The following SHANK2 variants were observed in gnomAD, a reference collection of about 807,000 sequenced individuals.
The protein encoded by SHANK2 is SH3 and multiple ankyrin repeat domains 2.
Under a neutral mutation model 133.7 loss-of-function variants are expected in SHANK2, and 43 were observed. The observed-to-expected ratio is 0.32, with a 90% CI of 0.25 to 0.41. The LOEUF (loss-of-function observed/expected upper bound fraction) is 0.41, where lower values mean the gene tolerates loss of function less well. Among genes scored for constraint, SHANK2 ranks in the 10% least tolerant of loss-of-function variants. The pLI, the probability that SHANK2 is intolerant of heterozygous loss-of-function variation, is 1.00. For missense variants in SHANK2, 1,994 were observed against 2,235.8 expected, an observed-to-expected ratio of 0.89 and a Z score of 2.18; for synonymous variants, 1,017 against 952.8, an observed-to-expected ratio of 1.07 and a Z score of -1.24.
chr11:71,183,521 A>G (rs1371387966), intron 2 of SHANK2, among the ~76,000 whole-genome samples: 2 of 152,230 alleles, frequency 1.3e-5, no homozygotes, highest in Non-Finnish European at 1.5e-5. Flanking sequence ...GCAGCCCTTC[A>G]TCTGGCTGTG....
intron 1 of SHANK2, among the ~76,000 whole-genome samples, chr11:71,235,989 C>A (rs1954821935): frequency 6.6e-6 from 1 of 152,348 alleles, no homozygotes; most frequent in South Asian, 2.1e-4. Context: ...GCCAGACCAG[C>A]AGGTGCTGGC....
chr11:70,532,001 G>A (rs1554973318), intron 17 of SHANK2, among the ~76,000 whole-genome samples: 1 of 152,212 alleles, frequency 6.6e-6, no homozygotes, highest in Non-Finnish European at 1.5e-5. Context: ...CTCTAGGACA[G>A]AGGCTGGGTA....
intron 11 of SHANK2, among the ~76,000 whole-genome samples, chr11:70,877,192 T>G (rs1555071506): frequency 1.3e-5 from 2 of 152,202 alleles, no homozygotes; most frequent in African/African-American, 4.8e-5. Context: ...TTGGAACGCA[T>G]CAACATGTAA....
At chr11:70,572,241 C>T (rs10899191) in intron 17 of SHANK2, among the ~76,000 whole-genome samples, 34,860 of 152,202 alleles carry the variant, frequency 0.23, 4,335 homozygotes, top group South Asian at 0.31. Context: ...CTCACTGCAA[C>T]GTCCACCTCC....
chr11:70,597,529 T>C (rs2060418031), intron 17 of SHANK2, among the ~76,000 whole-genome samples: 1 of 152,084 alleles, frequency 6.6e-6, no homozygotes, highest in Admixed American at 6.6e-5. Context: ...GAGATTTTTC[T>C]TTACCTGGCA....
At chr11:70,924,146 G>C (rs1950393094) in intron 10 of SHANK2, among the ~76,000 whole-genome samples, 2 of 152,114 alleles carry the variant, frequency 1.3e-5, no homozygotes, top group African/African-American at 4.8e-5. Flanking sequence ...ACAAGACTCA[G>C]CATCCCTCCT....
intron 2 of SHANK2, among the ~76,000 whole-genome samples, chr11:71,216,695 G>A (rs1954421117): frequency 6.6e-6 from 1 of 152,174 alleles, no homozygotes; most frequent in South Asian, 2.1e-4. Flanking sequence ...ATCACCAAGT[G>A]AGGTCACAGC....
intron 10 of SHANK2, among the ~76,000 whole-genome samples, chr11:70,933,957 C>T (rs1159840239): frequency 2.0e-5 from 3 of 149,252 alleles, no homozygotes; most frequent in Non-Finnish European, 3.0e-5. Flanking sequence ...AACAGCTGGG[C>T]GCAGTGGCTC....
At chr11:71,060,011 G>A (rs1950968559) in intron 9 of SHANK2, among the ~76,000 whole-genome samples, 1 of 152,178 alleles carries the variant, frequency 6.6e-6, no homozygotes, top group Admixed American at 6.5e-5. Context: ...TGCCCTACAG[G>A]AAGGTCAGGT....
chr11:71,122,176 A>T (rs1421713021), intron 3 of SHANK2, among the ~76,000 whole-genome samples: 5 of 152,196 alleles, frequency 3.3e-5, no homozygotes, highest in Admixed American at 1.3e-4. Context: ...AAATCATGCC[A>T]CCATAAAGAC....
At chr11:70,516,174 C>T (rs1380181866) in intron 17 of SHANK2, among the ~76,000 whole-genome samples, 1 of 152,158 alleles carries the variant, frequency 6.6e-6, no homozygotes, top group South Asian at 2.1e-4. Flanking sequence ...ATAGCCAACA[C>T]AATATCGAAG....
intron 10 of SHANK2, chr11:70,952,917 A>C: frequency 4.4e-6 from 1 of 224,856 alleles, no homozygotes; most frequent in Non-Finnish European, 1.0e-5. Context: ...CACTAAGCTG[A>C]CCCCGAGGTG....
intron 17 of SHANK2, among the ~76,000 whole-genome samples, chr11:70,588,151 C>T (rs1025191683): frequency 6.6e-6 from 1 of 152,144 alleles, no homozygotes; most frequent in Non-Finnish European, 1.5e-5. Flanking sequence ...CTCCTTGGGC[C>T]TCCCTATTCC....
intron 15 of SHANK2, among the ~76,000 whole-genome samples, chr11:70,673,519 T>A (rs10899370): frequency 0.57 from 87,041 of 151,798 alleles, 25,335 homozygotes; most frequent in Non-Finnish European, 0.62. Context: ...CTGGTGGGGG[T>A]GGGGAGTAGA....
In SHANK2 at chr11:70,473,319, C is replaced by T. The variant is rs1555149242; in HGVS notation, c.5100G>A (p.Arg1700=). 2 of 1,613,844 alleles carry T rather than the reference C, an allele frequency of 1.2e-6. No homozygotes were observed. The highest frequency in any genetic ancestry group is 2.2e-5 in the South Asian group (2 of 91,072). The part of the protein sequence containing the change: ...LQSRPPDYES[R]TSGTRRAPSP... Reference sequence around the variant, plus strand: ...TTGGGGCACGTCTTGTTCCTGAGGTCCTGCTTTCATAGTCGGGGGGCCGGC... The same window carrying T: ...TTGGGGCACGTCTTGTTCCTGAGGTTCTGCTTTCATAGTCGGGGGGCCGGC... The change falls in exon 26 of 26, where the codon AGG becomes AGA. Residue 1700 remains arginine (R), a synonymous_variant. Coordinates refer to ENST00000601538, the MANE Select transcript of SHANK2 (RefSeq NM_012309.5). The surrounding 1 kb of genome is among the most constrained non-coding windows in gnomAD (Gnocchi z 5.9).
chr11:70,779,283 C>T (rs1019630903), intron 14 of SHANK2, among the ~76,000 whole-genome samples: 5 of 151,242 alleles, frequency 3.3e-5, no homozygotes, highest in Non-Finnish European at 7.4e-5. Flanking sequence ...GTGGGGGATG[C>T]AGGAGTCTGC....
intron 8 of SHANK2, among the ~76,000 whole-genome samples, chr11:71,088,653 G>C (rs1951451539): frequency 6.6e-6 from 1 of 151,882 alleles, no homozygotes; most frequent in Non-Finnish European, 1.5e-5. Context: ...GCCCAGCCAT[G>C]TTTGCTGGTA....
chr11:70,625,481 A>G (rs1045918138), intron 17 of SHANK2, among the ~76,000 whole-genome samples: 2 of 152,148 alleles, frequency 1.3e-5, no homozygotes, highest in Non-Finnish European at 2.9e-5. Flanking sequence ...CCCCAGGCAA[A>G]CAGAGACACA....
At chr11:70,622,021 G>A (rs554965939) in intron 17 of SHANK2, among the ~76,000 whole-genome samples, 12 of 152,266 alleles carry the variant, frequency 7.9e-5, no homozygotes, top group South Asian at 4.1e-4. Context: ...TGAGCCCAGC[G>A]CCATGTGGAG....
Sources: gnomAD v4.1 joint callset for allele counts (sites outside exome capture counted in the v4.1 genomes callset) on GRCh38, gnomAD v4.1.1 for gene constraint, Gnocchi (gnomAD v3.1) non-coding constraint, MANE v1.5 for transcripts, NCBI Gene and HGNC (gene_info 2026-07-23, HGNC 2026-07-21) for gene names.